SFTPB: variants seen among roughly 807,000 people sequenced by gnomAD.
SFTPB encodes surfactant protein B.
Under a neutral mutation model 51.0 loss-of-function variants are expected in SFTPB, and 32 were observed. The observed-to-expected ratio is 0.63, with a 90% CI of 0.47 to 0.84. The LOEUF (loss-of-function observed/expected upper bound fraction) is 0.84, where lower values mean the gene tolerates loss of function less well. SFTPB is among the 40% of genes least tolerant of loss of function. The pLI, the probability that SFTPB is intolerant of heterozygous loss-of-function variation, is 0.00. For synonymous variants in SFTPB, 211 were observed against 208.5 expected, an observed-to-expected ratio of 1.01 and a Z score of -0.10; for missense variants, 431 against 491.2, an observed-to-expected ratio of 0.88 and a Z score of 1.16.
rs36210375 is a variant in SFTPB at position 85,663,673 on chromosome 2, C to A, written c.847G>T (p.Ala283Ser). 1.2e-6 allele frequency: 2 copies of A among 1,611,508 alleles called. No homozygotes were observed. The highest frequency in any genetic ancestry group is 1.7e-5 in the Admixed American group (1 of 59,620). ...LVLRCSMDDS[A>S]GPRSPTGEWL... is the part of the protein sequence containing the mutation. ...TGGGCAGTGGGCTCACTTGGGCCAGCGCTGTCATCCATGGAGCACCGGAGG... is the reference window on the plus strand; with the variant it reads ...TGGGCAGTGGGCTCACTTGGGCCAGAGCTGTCATCCATGGAGCACCGGAGG... The change falls in exon 7 of 11, where the codon GCT (alanine) becomes TCT (serine). Residue 283 changes from alanine (A) to serine (S), a missense_variant. Physicochemically the swap from Ala to Ser is moderately conservative, Grantham distance 99. Transcript: ENST00000519937.
At chr2:85,661,929 G>T in intron 9 of SFTPB, 100 bp downstream of exon 9, 1 of 1,193,706 alleles carries the variant, frequency 8.4e-7, no homozygotes, top group South Asian at 1.4e-5. Context: ...GGACCACCTT[G>T]GACCCAGGGG....
chr2:85,663,827 C>G lies in SFTPB; in HGVS notation c.693G>C (p.Val231=). The G allele has an allele frequency of 6.3e-7, 1 of 1,593,418 alleles. No homozygotes were observed. Reference sequence around the variant, plus strand: ...GAGGTACCACGCGGCACACCTGGGCCACTGCCACAGCTAGCGCACCCTGGG... The same window carrying G: ...GAGGTACCACGCGGCACACCTGGGCGACTGCCACAGCTAGCGCACCCTGGG... ...MIPKGALAVA[V]AQVCRVVPLV... The change falls in exon 7 of 11, where the codon GTG becomes GTC. Residue 231 remains valine, a synonymous_variant. Coordinates refer to ENST00000519937, the MANE Select transcript of SFTPB (RefSeq NM_000542.5).
chr2:85,657,881 T>A lies in SFTPB; in HGVS notation c.*1821A>T, dbSNP rs1065192. 1.4e-5 allele frequency: 2 copies of A among 145,800 alleles called. No homozygotes were observed. The highest frequency in any genetic ancestry group is 3.0e-5 in the Non-Finnish European group (2 of 66,700). 9.0% of individuals were successfully genotyped at this position (145,800 alleles called of 1,614,324 possible). A position where few individuals can be genotyped will look rare whatever the true frequency, so the allele number is the denominator to read the frequency against. ...GAGAGAATATTACAAAATACCTTCT[T>A]AAGGGTGCGGGGGTGCGGGCGTGGG... On this transcript the variant is annotated 3_prime_UTR_variant, in exon 11 of 11. Transcript: ENST00000519937.
chr2:85,660,288 ATTTTTT>A (rs60518418), intron 10 of SFTPB, among the ~76,000 whole-genome samples: 2 of 80,562 alleles, frequency 2.5e-5, no homozygotes, highest in African/African-American at 5.9e-5. Context: ...CATCTGGCTA[ATTTTTT>A]TTTTTTTTTT....
upstream of SFTPB, chr2:85,668,573 C>T (rs1677770242): frequency 3.3e-6 from 1 of 301,826 alleles, no homozygotes; most frequent in African/African-American, 2.1e-5. Flanking sequence ...TCCCAGGCCC[C>T]CTCTACTCTT....
intron 8 of SFTPB, 25 bp from the exon 9 acceptor site, chr2:85,662,134 G>C (rs1297401727): frequency 1.3e-6 from 2 of 1,587,366 alleles, no homozygotes; most frequent in Non-Finnish European, 1.7e-6. Context: ...ACACAGCTGT[G>C]GAGGGTCCCT....
intron 9 of SFTPB, 57 bp from the exon 10 acceptor site, chr2:85,661,592 A>G: frequency 1.4e-6 from 2 of 1,445,824 alleles, no homozygotes; most frequent in East Asian, 2.4e-5. Context: ...CCCCACACCC[A>G]GCTCTTCCGG....
rs1414039729 is a variant in SFTPB, at chr2:85,663,462, C to T, written c.886G>A (p.Asp296Asn). The T allele has an allele frequency of 6.2e-7, 1 of 1,614,010 alleles. No individual in the cohort carries two copies. The highest frequency in any genetic ancestry group is 1.7e-5 in the Admixed American group (1 of 60,014). Residue 296 changes from aspartate (D) to asparagine (N), a missense_variant, in exon 8 of 11, where the codon GAC (aspartate) becomes AAC (asparagine). Coordinates refer to ENST00000519937, the MANE Select transcript of SFTPB (RefSeq NM_000542.5). ...RSPTGEWLPR[D>N]SECHLCMSVT... ...GACATGCAGAGGTGGCACTCAGAGT[C>T]TCGCGGCAGCCATTCTCCTGTCGGC...
intron 8 of SFTPB, chr2:85,662,346 G>A: frequency 7.5e-7 from 1 of 1,326,504 alleles, no homozygotes; most frequent in Non-Finnish European, 9.8e-7. Context: ...GCAGAGGGGT[G>A]GAATCTCAGC....
chr2:85,668,013 C>T (rs1677742749), intron 1 of SFTPB, 104 bp downstream of exon 1: 2 of 1,215,726 alleles, frequency 1.6e-6, no homozygotes, highest in Non-Finnish European at 2.4e-6. Context: ...ACCCCAGCTG[C>T]CTTGTCTTTA....
In SFTPB at chr2:85,666,811, A is replaced by G. The variant is rs765103475; in HGVS notation, c.268-69T>C. 488 of 1,599,096 alleles carry G rather than the reference A, an allele frequency of 3.1e-4. 1 individual carries two copies. The highest frequency in any genetic ancestry group is 2.3e-4 in the Non-Finnish European group (274 of 1,168,438). On this transcript the variant is annotated intron_variant, in intron 3 of 10. Coordinates refer to ENST00000519937, the MANE Select transcript of SFTPB (RefSeq NM_000542.5). Reference sequence around the variant, plus strand: ...TACCCCGCCCAAGTCCCTGGACACAAGGCCCCACCAGGGCAGACTGACCCC... The same window carrying G: ...TACCCCGCCCAAGTCCCTGGACACAGGGCCCCACCAGGGCAGACTGACCCC...
At position 85,667,706 on chromosome 2, in the gene SFTPB, T is replaced by C; in HGVS notation, c.168A>G (p.Leu56=). The C allele has an allele frequency of 3.1e-6, 5 of 1,614,234 alleles. No individual in the cohort carries two copies. Among genetic ancestry groups the C allele is most frequent in the Non-Finnish European group, 4.2e-6 (5 of 1,180,022 alleles). The change falls in exon 2 of 11, where the codon CTA becomes CTG. Residue 56 remains leucine (L), a synonymous_variant. Coordinates refer to ENST00000519937, the MANE Select transcript of SFTPB (RefSeq NM_000542.5). ...ALQCRALGHC[L]QEVWGHVGAD... ...CTCCCACATGTCCCCAGACTTCCTG[T>C]AGGCAATGCCCTAGGGCTCTGCACT...
intron 8 of SFTPB, among the ~76,000 whole-genome samples, chr2:85,662,700 G>C (rs374486071): frequency 6.6e-6 from 1 of 151,942 alleles, no homozygotes; most frequent in African/African-American, 2.4e-5. Context: ...AATTAGCCGG[G>C]CCTGGTAGCA....
At chr2:85,665,867 G>A in intron 4 of SFTPB, 73 bp from the exon 5 acceptor site, 1 of 1,425,668 alleles carries the variant, frequency 7.0e-7, no homozygotes, top group Non-Finnish European at 9.8e-7. Context: ...CGGCCCAAGG[G>A]CTCAGGGACC....
intron 9 of SFTPB, among the ~76,000 whole-genome samples, chr2:85,661,770 T>C (rs1677313722): frequency 6.6e-6 from 1 of 152,122 alleles, no homozygotes; most frequent in African/African-American, 2.4e-5. Context: ...CAGCACACAC[T>C]GGCCAGGGAA....
rs758758661 is a variant in SFTPB, at chr2:85,663,854, C to T, written c.673-7G>A. On this transcript the variant is annotated splice_region_variant and splice_polypyrimidine_tract_variant and intron_variant, in intron 6 of 10. Transcript: ENST00000519937. ...CTGCCACAGCTAGCGCACCCTGGGG[C>T]GGGGGCGGAGAGAGGCCAGCATGGG... 3.4e-5 allele frequency: 53 copies of T among 1,576,124 alleles called. No homozygotes were observed. The highest frequency in any genetic ancestry group is 3.9e-5 in the Non-Finnish European group (46 of 1,166,892).
chr2:85,667,152 T>A lies in SFTPB; in HGVS notation c.221A>T (p.Asp74Val). 1 of 1,613,926 alleles carries A rather than the reference T, an allele frequency of 6.2e-7. No individual in the cohort carries two copies. The highest frequency in any genetic ancestry group is 8.5e-7 in the Non-Finnish European group (1 of 1,179,838). Residue 74 changes from aspartate to valine, a missense_variant, in exon 3 of 11, where the codon GAC (aspartate) becomes GTC (valine). Coordinates refer to ENST00000519937, the MANE Select transcript of SFTPB (RefSeq NM_000542.5). The stretch of plus-strand genomic sequence containing the variant: ...CATCTTGTTAAGGATGTGGACGATG[T>A]CCTCACACTCTTGGCATAGGTCATC... ...GADDLCQECE[D>V]IVHILNKMAK...
intron 5 of SFTPB, 22 bp downstream of exon 5, chr2:85,665,584 T>C: frequency 6.2e-7 from 1 of 1,612,248 alleles, no homozygotes; most frequent in Non-Finnish European, 8.5e-7. Flanking sequence ...TCCACTTTAC[T>C]GGCTGTGGGG....
At chr2:85,666,566 C>T in intron 4 of SFTPB, 51 bp downstream of exon 4, 2 of 1,600,784 alleles carry the variant, frequency 1.2e-6, no homozygotes, top group Non-Finnish European at 1.7e-6. Flanking sequence ...CATGGGTGGG[C>T]ACAGGGGCCT....
Sources: allele counts gnomAD v4.1 joint callset (sites outside exome capture counted in the v4.1 genomes callset), GRCh38; gene constraint gnomAD v4.1.1; transcripts MANE v1.5; gene names NCBI Gene and HGNC (gene_info 2026-07-23, HGNC 2026-07-21).